Variants in BCAT1 observed in about 807,000 individuals in gnomAD.
The protein encoded by BCAT1 is branched-chain-amino-acid aminotransferase, cytosolic.
Under a neutral mutation model 52.4 loss-of-function variants are expected in BCAT1, and 48 were observed. The ratio of observed to expected loss-of-function variants is 0.92; its 90% CI spans 0.73 to 1.16. The LOEUF is 1.16. Among genes scored for constraint, BCAT1 ranks in the 50% most tolerant of loss-of-function variants. The pLI is 0.00. For missense variants in BCAT1, 451 were observed against 457.1 expected (o/e 0.99, Z 0.12); for synonymous variants, 167 against 161.3 (o/e 1.04, Z -0.27).
chr12:24,828,042 G>A (rs1940482719), intron 10 of BCAT1, among the ~76,000 whole-genome samples: 1 of 152,030 alleles, frequency 6.6e-6, no homozygotes, highest in African/African-American at 2.4e-5. Flanking sequence ...GTGAGCCACT[G>A]CACCCAGCCA....
chr12:24,866,741 G>A (rs1565471976), intron 5 of BCAT1, among the ~76,000 whole-genome samples: 1 of 152,144 alleles, frequency 6.6e-6, no homozygotes, highest in African/African-American at 2.4e-5. Context: ...GTGGGGAGGT[G>A]GAGAACTTTT....
chr12:24,914,737 T>G (rs1943381508), intron 1 of BCAT1, among the ~76,000 whole-genome samples: 1 of 152,248 alleles, frequency 6.6e-6, no homozygotes, highest in Non-Finnish European at 1.5e-5. Context: ...GCTCATATAT[T>G]AAGTTGCTGT....
chr12:24,835,174 G>A (rs896639444), intron 8 of BCAT1, among the ~76,000 whole-genome samples: 4 of 152,164 alleles, frequency 2.6e-5, no homozygotes, highest in African/African-American at 9.7e-5. Context: ...TTAGGACAGG[G>A]CAAGCTGTTT....
chr12:24,904,261 G>A (rs887933220), intron 1 of BCAT1: 3 of 152,508 alleles, frequency 2.0e-5, no homozygotes, highest in African/African-American at 7.2e-5. Flanking sequence ...GGAGTGCAGT[G>A]GCGCGATCTC....
intron 2 of BCAT1, among the ~76,000 whole-genome samples, chr12:24,897,276 C>T (rs1000257131): frequency 1.5e-4 from 23 of 152,068 alleles, no homozygotes; most frequent in African/African-American, 5.3e-4. Context: ...ACCCATAGGA[C>T]CCACAATAAC....
intron 1 of BCAT1, among the ~76,000 whole-genome samples, chr12:24,943,944 A>C (rs1477843473): frequency 1.3e-5 from 2 of 151,464 alleles, no homozygotes; most frequent in Non-Finnish European, 3.0e-5. Context: ...AGATCGCACC[A>C]CTGTACTCCA....
chr12:24,932,613 G>C (rs542526878), intron 1 of BCAT1, among the ~76,000 whole-genome samples: 1 of 152,138 alleles, frequency 6.6e-6, no homozygotes, highest in Non-Finnish European at 1.5e-5. Flanking sequence ...TTTCAGACCA[G>C]ACCCTGTTAT....
intron 1 of BCAT1, among the ~76,000 whole-genome samples, chr12:24,928,703 GTTT>G (rs1187419522): frequency 9.2e-5 from 11 of 120,162 alleles, no homozygotes; most frequent in Middle Eastern, 4.2e-3. Context: ...AGTGTGAAAT[GTTT>G]GTTGTTGTTG....
chr12:24,937,948 G>A (rs921896081), intron 1 of BCAT1, among the ~76,000 whole-genome samples: 2 of 152,194 alleles, frequency 1.3e-5, no homozygotes, highest in Non-Finnish European at 2.9e-5. Context: ...CATAGGGGTA[G>A]CTGGCATATG....
chr12:24,905,664 G>A (rs1565493701), intron 1 of BCAT1, among the ~76,000 whole-genome samples: 1 of 152,182 alleles, frequency 6.6e-6, no homozygotes, highest in Non-Finnish European at 1.5e-5. Flanking sequence ...AACAGCTGAA[G>A]TAAACCAGAC....
intron 1 of BCAT1, among the ~76,000 whole-genome samples, chr12:24,927,965 G>C (rs766774708): frequency 6.6e-6 from 1 of 152,172 alleles, no homozygotes; most frequent in Non-Finnish European, 1.5e-5. Flanking sequence ...CTTGCTGCAA[G>C]TACTTAAAAG....
At chr12:24,938,671 C>A (rs553320074) in intron 1 of BCAT1, among the ~76,000 whole-genome samples, 1 of 152,166 alleles carries the variant, frequency 6.6e-6, no homozygotes, top group South Asian at 2.1e-4. Flanking sequence ...GCAAGTGAGT[C>A]TGAGCCCAGG....
At chr12:24,862,170 G>A (rs944704765) in intron 5 of BCAT1, among the ~76,000 whole-genome samples, 1 of 152,194 alleles carries the variant, frequency 6.6e-6, no homozygotes, top group Non-Finnish European at 1.5e-5. Context: ...TTATGGAGCA[G>A]CCATTCTTTT....
In BCAT1 at chr12:24,919,989, G is replaced by A. The variant is rs558589220; in HGVS notation, c.7-18104C>T. Among the ~76,000 whole-genome samples the A allele has an allele frequency of 6.6e-4, 101 of 152,156 alleles. 3 individuals carry two copies. The South Asian group carries it at 0.019, about 29-fold the overall frequency. ...AGGCCTCCCAGCCATGTGGAAATGT[G>A]AGTCCATTAAACCTCTTTTTCTGTA... On this transcript the variant is annotated intron_variant, in intron 1 of 10. Coordinates refer to ENST00000261192, the MANE Select transcript of BCAT1 (RefSeq NM_005504.7).
rs1352774877 is a variant in BCAT1, at chr12:24,814,055, T to TG, written c.*3952dup. ...AGCTGGTACCCTTTGCCTCCTTTTG[T>TG]GGGGAGATATCTGGAAAATAGCTGA... is the stretch of plus-strand genomic sequence containing the variant. On this transcript the variant is annotated 3_prime_UTR_variant, in exon 11 of 11. Transcript: ENST00000261192. 6 of 152,208 alleles carry TG rather than the reference T, an allele frequency of 3.9e-5. No homozygotes were observed. The East Asian group carries it at 1.2e-3, about 29-fold the overall frequency. 9.4% of individuals were successfully genotyped at this position (152,208 alleles called of 1,614,324 possible). A position where few individuals can be genotyped will look rare whatever the true frequency, so the allele number is the denominator to read the frequency against.
rs566509865 is a variant in BCAT1, at chr12:24,814,811, T to G, written c.*3197A>C. 6 of 151,434 alleles carry G rather than the reference T, an allele frequency of 4.0e-5. No individual in the cohort carries two copies. In the East Asian group the frequency reaches 1.2e-3, roughly 29 times the overall value. The allele number at this position is 151,434 out of a possible 1,614,324, so 9.4% of individuals were successfully genotyped here. ...GCCTCTGCCTCTGTTTGTTTTTTTTTTTTTTTTTTGTCTTACATTTTTTCT... is the reference window on the plus strand; with the variant it reads ...GCCTCTGCCTCTGTTTGTTTTTTTTGTTTTTTTTTGTCTTACATTTTTTCT... On this transcript the variant is annotated 3_prime_UTR_variant, in exon 11 of 11. Coordinates refer to ENST00000261192, the MANE Select transcript of BCAT1 (RefSeq NM_005504.7).
intron 1 of BCAT1, among the ~76,000 whole-genome samples, chr12:24,907,908 C>T (rs7968043): frequency 0.03 from 4,514 of 152,258 alleles, 117 homozygotes; most frequent in Non-Finnish European, 0.042. Context: ...CACACAAAGC[C>T]TGTTTGGTGG....
intron 5 of BCAT1, among the ~76,000 whole-genome samples, chr12:24,860,297 A>G (rs1941818598): frequency 6.6e-6 from 1 of 152,244 alleles, no homozygotes; most frequent in Admixed American, 6.5e-5. Flanking sequence ...AGGAATTAAC[A>G]GCATGGACTA....
intron 1 of BCAT1, among the ~76,000 whole-genome samples, chr12:24,938,340 A>C (rs1943797471): frequency 6.6e-6 from 1 of 152,196 alleles, no homozygotes; most frequent in South Asian, 2.1e-4. Context: ...GACCAGGAGG[A>C]GCAGGAAACC....
Sources: allele counts gnomAD v4.1 joint callset (sites outside exome capture counted in the v4.1 genomes callset), GRCh38; gene constraint gnomAD v4.1.1; transcripts MANE v1.5; gene names NCBI Gene and HGNC (gene_info 2026-07-23, HGNC 2026-07-21).